The following RPA3 variants were observed in gnomAD, a reference collection of about 807,000 sequenced individuals.
RPA3 encodes the protein replication protein A 14 kDa subunit.
A neutral mutation model predicts 13.7 loss-of-function variants in RPA3; 24 were observed. The ratio of observed to expected loss-of-function variants is 1.75; its 90% CI spans 1.27 to 2.46. RPA3 has a LOEUF of 2.46. Ranked by LOEUF, RPA3 falls within the 30% of genes most tolerant of loss-of-function variation. RPA3 has a pLI of 0.00. For synonymous variants in RPA3, 59 were observed against 51.2 expected, an observed-to-expected ratio of 1.15 and a Z score of -0.65; for missense variants, 183 against 151.0, an observed-to-expected ratio of 1.21 and a Z score of -1.11.
chr7:7,641,618 A>G (rs868568575), intron 4 of RPA3: 4 of 152,242 alleles, frequency 2.6e-5, no homozygotes, highest in African/African-American at 7.2e-5. Flanking sequence ...GTAGTCTCCA[A>G]TCTGTCCCTG....
intron 4 of RPA3, among the ~76,000 whole-genome samples, chr7:7,682,551 A>G (rs944295589): frequency 2.6e-5 from 4 of 152,210 alleles, no homozygotes; most frequent in Admixed American, 1.3e-4. Flanking sequence ...GAGGGACAGT[A>G]AGTCACTTTG....
At chr7:7,682,443 A>G (rs28915980) in intron 4 of RPA3, among the ~76,000 whole-genome samples, 453 of 152,266 alleles carry the variant, frequency 3.0e-3, no homozygotes, top group African/African-American at 0.01. Context: ...ATATTTTTAT[A>G]TGGAACTTTT....
chr7:7,665,024 C>T (rs1373967505), intron 4 of RPA3, among the ~76,000 whole-genome samples: 1 of 152,100 alleles, frequency 6.6e-6, no homozygotes, highest in East Asian at 1.9e-4. Context: ...TACACACACA[C>T]ACACATTCAT....
chr7:7,701,751 C>T (rs1432341912), intron 2 of RPA3, among the ~76,000 whole-genome samples: 2 of 152,136 alleles, frequency 1.3e-5, no homozygotes. Flanking sequence ...TCATTCTATT[C>T]AGGTTTCTGC....
In RPA3 at chr7:7,677,682, T is replaced by G. The variant is rs1183413454; in HGVS notation, c.-758+8148A>C. On this transcript the variant is annotated intron_variant, in intron 4 of 7. Coordinates refer to ENST00000223129, the MANE Select transcript of RPA3 (RefSeq NM_002947.5). ...TTTTTTTGTTTTTTTTTTTTTTTTT[T>G]TTTTTTTTTGAGACGGAGTCTCGCT... Among the ~76,000 whole-genome samples, 30 of 138,928 alleles carry G rather than the reference T, an allele frequency of 2.2e-4. 1 individual carries two copies. Among genetic ancestry groups the G allele is most frequent in the African/African-American group, 3.0e-4 (11 of 37,064 alleles). 91.1% of individuals were successfully genotyped at this position (138,928 alleles called of 152,430 possible). A position where few individuals can be genotyped will look rare whatever the true frequency, so the allele number is the denominator to read the frequency against.
At chr7:7,643,100 A>G (rs1485520653) in intron 4 of RPA3, among the ~76,000 whole-genome samples, 3 of 152,210 alleles carry the variant, frequency 2.0e-5, no homozygotes, top group South Asian at 4.2e-4. Context: ...TGGTTTGGCA[A>G]TTACCGAATT....
At chr7:7,710,686 A>G (rs1287560037) in intron 2 of RPA3, among the ~76,000 whole-genome samples, 1 of 152,242 alleles carries the variant, frequency 6.6e-6, no homozygotes, top group South Asian at 2.1e-4. Context: ...CTCAGCAATT[A>G]CACTTTGGGC....
At chr7:7,708,333 C>T (rs1030309434) in intron 2 of RPA3, among the ~76,000 whole-genome samples, 8 of 151,992 alleles carry the variant, frequency 5.3e-5, no homozygotes, top group African/African-American at 1.4e-4. Flanking sequence ...TACTTGTAGA[C>T]GAAGGAAGAC....
intron 2 of RPA3, among the ~76,000 whole-genome samples, chr7:7,711,816 T>C (rs1254114154): frequency 6.6e-6 from 1 of 152,160 alleles, no homozygotes; most frequent in Admixed American, 6.5e-5. Context: ...TTAAAATATA[T>C]AAAACTTTTC....
intron 4 of RPA3, among the ~76,000 whole-genome samples, chr7:7,642,550 T>A (rs542737666): frequency 5.3e-4 from 81 of 152,156 alleles, no homozygotes; most frequent in Non-Finnish European, 6.5e-4. Context: ...AGACCACTTT[T>A]AAGCAAAGGC....
chr7:7,636,736 T>C lies in RPA3; in HGVS notation c.*264A>G. ...CGATAGTACGTACCATTTTAGTTTTTATTAATAAAATAGAAACTTAGACTC... is the reference window on the plus strand; with the variant it reads ...CGATAGTACGTACCATTTTAGTTTTCATTAATAAAATAGAAACTTAGACTC... On this transcript the variant is annotated 3_prime_UTR_variant, in exon 8 of 8. Transcript: ENST00000223129. The C allele has an allele frequency of 2.8e-6, 1 of 351,794 alleles. No homozygotes were observed. The highest frequency in any genetic ancestry group is 5.1e-6 in the Non-Finnish European group (1 of 196,054). 21.8% of individuals were successfully genotyped at this position (351,794 alleles called of 1,614,324 possible).
intron 4 of RPA3, among the ~76,000 whole-genome samples, chr7:7,648,832 G>A (rs1246238616): frequency 6.6e-6 from 1 of 150,938 alleles, no homozygotes; most frequent in Non-Finnish European, 1.5e-5. Flanking sequence ...CAGCCTGGGC[G>A]ACAGAGTGAG....
chr7:7,690,505 C>G (rs1196062279), intron 2 of RPA3, among the ~76,000 whole-genome samples: 2 of 151,916 alleles, frequency 1.3e-5, no homozygotes, highest in African/African-American at 4.8e-5. Context: ...TAAATGTTTA[C>G]TTTTTTATTA....
At chr7:7,659,168 T>A (rs34820918) in intron 4 of RPA3, among the ~76,000 whole-genome samples, 21,459 of 152,200 alleles carry the variant, frequency 0.14, 1,760 homozygotes, top group Middle Eastern at 0.24. Flanking sequence ...TATCATTTTT[T>A]ATTGCATCTA....
intron 4 of RPA3, among the ~76,000 whole-genome samples, chr7:7,670,129 AG>A (rs1779569815): frequency 1.3e-5 from 2 of 152,206 alleles, no homozygotes; most frequent in Admixed American, 6.5e-5. Flanking sequence ...GGTTAAAAAC[AG>A]GTTGTTTGTT....
chr7:7,681,578 A>G (rs1779913610), intron 4 of RPA3, among the ~76,000 whole-genome samples: 1 of 152,172 alleles, frequency 6.6e-6, no homozygotes, highest in African/African-American at 2.4e-5. Flanking sequence ...TTCACGTAAG[A>G]AGGTAATAGC....
intron 4 of RPA3, among the ~76,000 whole-genome samples, chr7:7,656,062 C>G (rs927460840): frequency 6.6e-6 from 1 of 152,034 alleles, no homozygotes; most frequent in African/African-American, 2.4e-5. Flanking sequence ...CTCAAACTCT[C>G]AACCTCAGGT....
At chr7:7,703,905 G>T (rs1217444176) in intron 2 of RPA3, among the ~76,000 whole-genome samples, 3 of 152,098 alleles carry the variant, frequency 2.0e-5, no homozygotes, top group Non-Finnish European at 2.9e-5. Context: ...CTGTGTCACT[G>T]CAGTGAAGCC....
chr7:7,659,345 A>G (rs544199683), intron 4 of RPA3, among the ~76,000 whole-genome samples: 43 of 152,094 alleles, frequency 2.8e-4, no homozygotes, highest in African/African-American at 8.9e-4. Flanking sequence ...GTCTTCTGCT[A>G]GCTTTTGAAT....
Sources: allele counts gnomAD v4.1 joint callset (sites outside exome capture counted in the v4.1 genomes callset), GRCh38; gene constraint gnomAD v4.1.1; transcripts MANE v1.5; gene names NCBI Gene and HGNC (gene_info 2026-07-23, HGNC 2026-07-21).